The following SUSD4 variants were observed in gnomAD, a reference collection of about 807,000 sequenced individuals.
SUSD4 encodes sushi domain containing 4, also known as sushi domain-containing protein 4.
Under a neutral mutation model 50.5 loss-of-function variants are expected in SUSD4, and 41 were observed. The observed-to-expected ratio is 0.81, with a 90% CI of 0.63 to 1.05. SUSD4 has a LOEUF of 1.05. SUSD4 is among the 50% of genes least tolerant of loss of function. The pLI is 0.00. For synonymous variants in SUSD4, 257 were observed against 257.3 expected, an observed-to-expected ratio of 1.00 and a Z score of 0.01; for missense variants, 580 against 634.7, an observed-to-expected ratio of 0.91 and a Z score of 0.93.
Position 223,227,817 on chromosome 1 carries a change from T to C in SUSD4, c.917-79A>G, listed in dbSNP as rs998934756. ...CGAGGTTCCCCGTGGGCTCATTTGC[T>C]GGATTCATCTGGCACAAGAGATGCG... On this transcript the variant is annotated intron_variant, in intron 6 of 8. Coordinates refer to ENST00000366878, the MANE Select transcript of SUSD4 (RefSeq NM_017982.4). This position sits in a 1 kb window ranked among gnomAD's most constrained non-coding sequence, Gnocchi z 4.5. 2.6e-5 allele frequency: 39 copies of C among 1,495,486 alleles called. No homozygotes were observed. The highest frequency in any genetic ancestry group is 3.4e-5 in the Non-Finnish European group (38 of 1,109,270). 92.6% of individuals were successfully genotyped at this position (1,495,486 alleles called of 1,614,324 possible). A position where few individuals can be genotyped will look rare whatever the true frequency, so the allele number is the denominator to read the frequency against.
At chr1:223,312,869 G>C (rs1665959568) in intron 2 of SUSD4, among the ~76,000 whole-genome samples, 1 of 152,162 alleles carries the variant, frequency 6.6e-6, no homozygotes, top group Middle Eastern at 3.2e-3. Context: ...TCCAGCGTAG[G>C]AACACAGTGA....
chr1:223,364,880 C>G (rs1349684991), upstream of SUSD4, among the ~76,000 whole-genome samples: 1 of 152,160 alleles, frequency 6.6e-6, no homozygotes, highest in Non-Finnish European at 1.5e-5. This position sits in a 1 kb window ranked among gnomAD's most constrained non-coding sequence, Gnocchi z 4.5. Flanking sequence ...CTGCGCGTCC[C>G]CAGGGAGCCC....
intron 1 of SUSD4, 129 bp from the exon 2 acceptor site, chr1:223,363,589 C>T (rs1257336332): frequency 2.7e-6 from 3 of 1,124,760 alleles, no homozygotes; most frequent in Non-Finnish European, 3.6e-6. Context: ...CCCCGCGCGG[C>T]CCCCGCCCCC....
chr1:223,252,449 G>C (rs1321815673), intron 5 of SUSD4, among the ~76,000 whole-genome samples: 1 of 151,698 alleles, frequency 6.6e-6, no homozygotes, highest in East Asian at 2.0e-4. Context: ...GTCCCCCACA[G>C]CTAACTCCAA....
chr1:223,349,987 C>T (rs1380868837), intron 2 of SUSD4, among the ~76,000 whole-genome samples: 1 of 152,128 alleles, frequency 6.6e-6, no homozygotes, highest in African/African-American at 2.4e-5. Flanking sequence ...TCCAACATGA[C>T]CACAGAGCTC....
chr1:223,359,080 C>A (rs774903077), intron 2 of SUSD4: 32 of 470,936 alleles, frequency 6.8e-5, no homozygotes, highest in African/African-American at 6.0e-4. Context: ...CTTGGGTATG[C>A]AGAGAGGGCC....
intron 2 of SUSD4, among the ~76,000 whole-genome samples, chr1:223,347,027 T>C (rs1668070707): frequency 6.6e-6 from 1 of 152,194 alleles, no homozygotes; most frequent in Non-Finnish European, 1.5e-5. Flanking sequence ...CTCCTACTTT[T>C]TTTTTCTGTG....
intron 2 of SUSD4, among the ~76,000 whole-genome samples, chr1:223,331,559 C>T (rs935525441): frequency 8.5e-5 from 13 of 152,174 alleles, no homozygotes; most frequent in Admixed American, 3.9e-4. Flanking sequence ...TTCCACTCCG[C>T]CTACTTAAAA....
chr1:223,279,518 G>GA (rs931074839), intron 3 of SUSD4, among the ~76,000 whole-genome samples: 1 of 152,166 alleles, frequency 6.6e-6, no homozygotes, highest in African/African-American at 2.4e-5. Context: ...GAGAAGTTTA[G>GA]AAAAAGTTAG....
At chr1:223,265,081 A>C (rs1662396398) in intron 4 of SUSD4, among the ~76,000 whole-genome samples, 1 of 152,180 alleles carries the variant, frequency 6.6e-6, no homozygotes, top group Non-Finnish European at 1.5e-5. Context: ...TGAATGTCTG[A>C]CTGTGGATTG....
chr1:223,321,157 C>G (rs1369449196), intron 2 of SUSD4, among the ~76,000 whole-genome samples: 1 of 152,164 alleles, frequency 6.6e-6, no homozygotes, highest in Non-Finnish European at 1.5e-5. Flanking sequence ...GAAAGAAACG[C>G]TGACACTGCA....
chr1:223,257,383 AG>A (rs1381306088), intron 5 of SUSD4, among the ~76,000 whole-genome samples: 2 of 152,114 alleles, frequency 1.3e-5, no homozygotes. Flanking sequence ...AACATAGGCA[AG>A]GAAGGGAGTG....
chr1:223,224,853 GGTTTCTTCC>G (rs1315259754), intron 7 of SUSD4, among the ~76,000 whole-genome samples: 3 of 138,948 alleles, frequency 2.2e-5, no homozygotes, highest in African/African-American at 5.7e-5. Context: ...AATAGAACTT[GGTTTCTTCC>G]TTTTTTTTTT....
chr1:223,292,629 A>G lies in SUSD4; in HGVS notation c.171T>C (p.Cys57=). 1 of 1,614,152 alleles carries G rather than the reference A, an allele frequency of 6.2e-7. No homozygotes were observed. The highest frequency in any genetic ancestry group is 8.5e-7 in the Non-Finnish European group (1 of 1,180,020). The change falls in exon 3 of 9, where the codon TGT becomes TGC. Residue 57 remains cysteine (C), a synonymous_variant. Transcript: ENST00000366878. The part of the protein sequence containing the change: ...LTGGFDDLQV[C]ADPGIPENGF... ...CATTCTCGGGAATGCCGGGGTCAGC[A>G]CACACTTGAAGGTCATCGAACCCTA...
intron 7 of SUSD4, among the ~76,000 whole-genome samples, chr1:223,226,388 C>A (rs1571826981): frequency 6.6e-6 from 1 of 152,350 alleles, no homozygotes; most frequent in East Asian, 1.9e-4. Context: ...ATCTAGCACA[C>A]ATTTGTGGCT....
chr1:223,229,288 A>T lies in SUSD4; in HGVS notation c.825T>A (p.Asp275Glu). 1.2e-6 allele frequency: 2 copies of T among 1,613,502 alleles called. No individual in the cohort carries two copies. The highest frequency in any genetic ancestry group is 1.7e-6 in the Non-Finnish European group (2 of 1,179,500). Residue 275 changes from aspartate to glutamate, a missense_variant, in exon 6 of 9, where the codon GAT (aspartate) becomes GAA (glutamate). Physicochemically the swap from Asp to Glu is conservative, Grantham distance 45. Transcript: ENST00000366878. This position sits in a 1 kb window ranked among gnomAD's most constrained non-coding sequence, Gnocchi z 4.7. ...AGTCGCTGGTGAGGCTGTAGCCAGG[A>T]TCGCAGTAAAACTCCACCACAGTTC... ...NHGTVVEFYC[D>E]PGYSLTSDYK...
intron 5 of SUSD4, among the ~76,000 whole-genome samples, chr1:223,258,720 C>G (rs748384793): frequency 6.6e-5 from 10 of 152,148 alleles, no homozygotes; most frequent in Non-Finnish European, 1.3e-4. Context: ...ACCTTAGGTA[C>G]CTGCAGATCC....
intron 2 of SUSD4, among the ~76,000 whole-genome samples, chr1:223,315,019 C>T (rs112914130): frequency 1.3e-5 from 2 of 152,316 alleles, no homozygotes; most frequent in African/African-American, 4.8e-5. Flanking sequence ...GAGACCACTA[C>T]TTAATTTATA....
intron 2 of SUSD4, among the ~76,000 whole-genome samples, chr1:223,342,458 A>T (rs976540016): frequency 2.0e-5 from 3 of 152,204 alleles, no homozygotes; most frequent in Non-Finnish European, 2.9e-5. Flanking sequence ...ACTAGCTGAG[A>T]ACATTTTGAA....
Sources: gnomAD v4.1 joint callset for allele counts (sites outside exome capture counted in the v4.1 genomes callset) on GRCh38, gnomAD v4.1.1 for gene constraint, Gnocchi (gnomAD v3.1) non-coding constraint, MANE v1.5 for transcripts, NCBI Gene and HGNC (gene_info 2026-07-23, HGNC 2026-07-21) for gene names.